Variants in PPFIA2 observed in about 807,000 individuals in gnomAD.
PPFIA2 encodes the protein PPFI scaffold protein A2, also known as liprin-alpha-2.
In PPFIA2, 46 loss-of-function variants were observed where a neutral mutation model predicts 175.5. The observed-to-expected ratio is 0.26, with a 90% CI of 0.21 to 0.34. The LOEUF is 0.34. PPFIA2 is among the 10% of genes least tolerant of loss of function. The pLI is 1.00. For missense variants in PPFIA2, 1,179 were observed against 1,506.1 expected, an observed-to-expected ratio of 0.78 and a Z score of 3.60; for synonymous variants, 568 against 511.4, an observed-to-expected ratio of 1.11 and a Z score of -1.49.
chr12:81,427,439 T>C (rs187335954), intron 7 of PPFIA2, among the ~76,000 whole-genome samples: 1 of 152,178 alleles, frequency 6.6e-6, no homozygotes. Flanking sequence ...GTCCTTACTG[T>C]AGTACCAAGC....
rs529808687 is a variant in PPFIA2 at position 81,397,266 on chromosome 12, A to G, written c.762+8521T>C. ...GGGCTGAGCCCTGGGGTGAAGAAAG[A>G]AAGAGAAGAAGAGAAGAAACTGGGA... On this transcript the variant is annotated intron_variant, in intron 8 of 32. Coordinates refer to ENST00000549396, the MANE Select transcript of PPFIA2 (RefSeq NM_003625.5). Among the ~76,000 whole-genome samples, 4 of 152,074 alleles carry G rather than the reference A, an allele frequency of 2.6e-5. No individual in the cohort carries two copies. In the South Asian group the frequency reaches 8.3e-4, roughly 32 times the overall value.
At chr12:81,652,024 C>T (rs1169930849) in intron 4 of PPFIA2, among the ~76,000 whole-genome samples, 5 of 151,422 alleles carry the variant, frequency 3.3e-5, no homozygotes, top group East Asian at 1.9e-4. Context: ...TCTTTCTGAA[C>T]GTTGATTTCT....
chr12:81,504,688 T>G (rs184937148), intron 4 of PPFIA2, among the ~76,000 whole-genome samples: 1 of 152,152 alleles, frequency 6.6e-6, no homozygotes, highest in Non-Finnish European at 1.5e-5. Flanking sequence ...TAAGGACACA[T>G]GTACAGCTAT....
At chr12:81,714,064 T>C (rs2078280530) in intron 3 of PPFIA2, among the ~76,000 whole-genome samples, 1 of 151,072 alleles carries the variant, frequency 6.6e-6, no homozygotes, top group Non-Finnish European at 1.5e-5. Flanking sequence ...GGAAGAGTTC[T>C]GAGGACCATC....
At chr12:81,683,767 C>T (rs1288940339) in intron 3 of PPFIA2, among the ~76,000 whole-genome samples, 2 of 151,756 alleles carry the variant, frequency 1.3e-5, no homozygotes, top group Non-Finnish European at 2.9e-5. Context: ...ACCTGAGGCT[C>T]GGTAATAAAA....
intron 7 of PPFIA2, among the ~76,000 whole-genome samples, chr12:81,436,460 T>A (rs1432384611): frequency 6.6e-6 from 1 of 151,972 alleles, no homozygotes; most frequent in East Asian, 1.9e-4. Flanking sequence ...AAATTTGCTC[T>A]TTTTTTAAAA....
intron 4 of PPFIA2, among the ~76,000 whole-genome samples, chr12:81,616,229 T>C (rs2061416323): frequency 6.6e-6 from 1 of 152,150 alleles, no homozygotes; most frequent in Non-Finnish European, 1.5e-5. Flanking sequence ...TATCATGATG[T>C]GAGCAAGATT....
intron 3 of PPFIA2, among the ~76,000 whole-genome samples, chr12:81,703,028 G>A (rs1720649520): frequency 6.6e-6 from 1 of 152,088 alleles, no homozygotes; most frequent in Admixed American, 6.5e-5. Flanking sequence ...CTGGTCTGTG[G>A]TATTTTGTTA....
chr12:81,263,513 G>C (rs890326303), intron 30 of PPFIA2, 123 bp from the exon 31 acceptor site: 5 of 743,256 alleles, frequency 6.7e-6, no homozygotes. Context: ...TATACGTATG[G>C]AATCACGCTT....
At chr12:81,386,751 A>T (rs182023633) in intron 8 of PPFIA2, among the ~76,000 whole-genome samples, 5 of 152,240 alleles carry the variant, frequency 3.3e-5, no homozygotes, top group Admixed American at 2.6e-4. Flanking sequence ...AAAAGAACAT[A>T]AGTAGAAACA....
chr12:81,415,211 AT>A lies in PPFIA2; in HGVS notation c.646-9309del, dbSNP rs1285085691. The stretch of plus-strand genomic sequence containing the variant: ...AAAAAAAAAAAAAAAAAAAAAAAAA[AT>A]ATATATATATATATATATATATATA... On this transcript the variant is annotated intron_variant, in intron 7 of 32. Transcript: ENST00000549396. Among the ~76,000 whole-genome samples the A allele has an allele frequency of 6.5e-3, 57 of 8,822 alleles. 3 individuals carry two copies. The highest frequency in any genetic ancestry group is 9.7e-3 in the Non-Finnish European group (42 of 4,330). The allele number at this position is 8,822 out of a possible 152,430, so 5.8% of individuals were successfully genotyped here.
rs376018645 is a variant in PPFIA2 at position 81,604,381 on chromosome 12, T to C, written c.303+72410A>G. 3.3e-5 allele frequency among the ~76,000 whole-genome samples: 5 copies of C among 151,796 alleles called. No individual in the cohort carries two copies. In the East Asian group the frequency reaches 7.7e-4, roughly 23 times the overall value. ...GTAAAGACACTTAATCTGGTCATCA[T>C]CCTTTTCCTATAAAATCAAATAAAA... On this transcript the variant is annotated intron_variant, in intron 4 of 32. Coordinates refer to ENST00000549396, the MANE Select transcript of PPFIA2 (RefSeq NM_003625.5).
chr12:81,280,882 A>G (rs189294383), intron 27 of PPFIA2, among the ~76,000 whole-genome samples: 1 of 149,914 alleles, frequency 6.7e-6, no homozygotes, highest in East Asian at 2.0e-4. Flanking sequence ...TTATAACCAC[A>G]TATTTGTGTA....
chr12:81,281,545 T>C (rs2042093874), intron 26 of PPFIA2, 95 bp from the exon 27 acceptor site: 5 of 824,948 alleles, frequency 6.1e-6, no homozygotes, highest in Non-Finnish European at 9.0e-6. Context: ...ATTTAATTAC[T>C]ATGATATGTG....
At chr12:81,461,360 C>T (rs2054511919) in intron 4 of PPFIA2, among the ~76,000 whole-genome samples, 1 of 152,082 alleles carries the variant, frequency 6.6e-6, no homozygotes, top group Admixed American at 6.6e-5. Flanking sequence ...ACACTGCCTC[C>T]TTCTGGCTAA....
chr12:81,318,593 C>T (rs984776362), intron 22 of PPFIA2, among the ~76,000 whole-genome samples: 3 of 151,654 alleles, frequency 2.0e-5, no homozygotes, highest in Non-Finnish European at 3.0e-5. Context: ...TCTAGCTTCA[C>T]ACTTTGACAA....
chr12:81,285,183 G>A (rs2043023258), intron 24 of PPFIA2, among the ~76,000 whole-genome samples: 1 of 152,054 alleles, frequency 6.6e-6, no homozygotes, highest in African/African-American at 2.4e-5. Flanking sequence ...ATACAGATCA[G>A]GCATATCATT....
intron 10 of PPFIA2, among the ~76,000 whole-genome samples, chr12:81,375,103 T>G (rs190774371): frequency 2.0e-5 from 3 of 152,154 alleles, no homozygotes; most frequent in Admixed American, 2.0e-4. Context: ...ATCATGGTAT[T>G]TAGACTGGAG....
At chr12:81,261,763 G>A (rs185158100) in intron 32 of PPFIA2, among the ~76,000 whole-genome samples, 186 bp downstream of exon 32, 2 of 152,270 alleles carry the variant, frequency 1.3e-5, no homozygotes, top group African/African-American at 2.4e-5. Flanking sequence ...GAGACAGATG[G>A]TGATAGGAAA....
Sources: allele counts gnomAD v4.1 joint callset (sites outside exome capture counted in the v4.1 genomes callset), GRCh38; gene constraint gnomAD v4.1.1; transcripts MANE v1.5; gene names NCBI Gene and HGNC (gene_info 2026-07-23, HGNC 2026-07-21).